NLGN1: variants seen among roughly 807,000 people sequenced by gnomAD.
NLGN1 encodes neuroligin 1, also known as neuroligin-1.
NLGN1 carries 12 observed loss-of-function variants against 65.5 expected under a neutral mutation model. The ratio of observed to expected loss-of-function variants is 0.18; its 90% CI spans 0.12 to 0.30. The LOEUF is 0.30. Ranked by LOEUF, NLGN1 falls within the 10% of genes least tolerant of loss-of-function variation. The pLI is 1.00. For synonymous variants in NLGN1, 350 were observed against 359.5 expected, an observed-to-expected ratio of 0.97 and a Z score of 0.30; for missense variants, 750 against 1,007.1, an observed-to-expected ratio of 0.74 and a Z score of 3.46.
chr3:173,486,895 G>A (rs1227656917), intron 2 of NLGN1, among the ~76,000 whole-genome samples: 1 of 151,014 alleles, frequency 6.6e-6, no homozygotes, highest in Non-Finnish European at 1.5e-5. Context: ...TTCAAGTTTA[G>A]TTCATTCTTT....
At chr3:173,914,207 A>G (rs1740251126) in intron 4 of NLGN1, among the ~76,000 whole-genome samples, 1 of 152,116 alleles carries the variant, frequency 6.6e-6, no homozygotes, top group South Asian at 2.1e-4. Flanking sequence ...TGTTTTAGTG[A>G]CAGAAGTATC....
chr3:173,760,654 G>T (rs1464525895), intron 3 of NLGN1, among the ~76,000 whole-genome samples: 2 of 151,778 alleles, frequency 1.3e-5, no homozygotes, highest in African/African-American at 4.8e-5. Flanking sequence ...GTTTTATTTA[G>T]TACCTCTTTC....
chr3:173,645,888 C>T (rs1217302773), intron 3 of NLGN1, among the ~76,000 whole-genome samples: 1 of 152,168 alleles, frequency 6.6e-6, no homozygotes, highest in African/African-American at 2.4e-5. Flanking sequence ...TCCTCGGCCC[C>T]CACCCAGTGA....
At chr3:173,463,872 T>C (rs1246926841) in intron 2 of NLGN1, among the ~76,000 whole-genome samples, 1 of 152,110 alleles carries the variant, frequency 6.6e-6, no homozygotes, top group Non-Finnish European at 1.5e-5. Flanking sequence ...TATTGTTTTA[T>C]ATAAAACATT....
chr3:173,719,554 G>A (rs1770470639), intron 3 of NLGN1, among the ~76,000 whole-genome samples: 1 of 152,142 alleles, frequency 6.6e-6, no homozygotes, highest in Admixed American at 6.6e-5. Flanking sequence ...GGGAGAAGGC[G>A]TCGTGTTGCA....
intron 3 of NLGN1, among the ~76,000 whole-genome samples, chr3:173,686,869 C>T (rs1764758499): frequency 6.6e-6 from 1 of 151,994 alleles, no homozygotes; most frequent in Non-Finnish European, 1.5e-5. Flanking sequence ...AGGAGAATTG[C>T]TTGAACCCGG....
chr3:174,196,644 T>G (rs921411305), intron 4 of NLGN1, among the ~76,000 whole-genome samples: 1 of 152,206 alleles, frequency 6.6e-6, no homozygotes, highest in Non-Finnish European at 1.5e-5. Context: ...TCAGCGATCT[T>G]AGATCAAAAA....
chr3:173,883,367 TG>T, intron 4 of NLGN1, among the ~76,000 whole-genome samples: 1 of 152,292 alleles, frequency 6.6e-6, no homozygotes, highest in South Asian at 2.1e-4. Context: ...CATTCTTATA[TG>T]GGTGTGGTTT....
At chr3:173,610,671 G>T (rs1752140156) in intron 3 of NLGN1, among the ~76,000 whole-genome samples, 1 of 151,780 alleles carries the variant, frequency 6.6e-6, no homozygotes, top group South Asian at 2.1e-4. Context: ...GATTTTTTTT[G>T]TTGGCCTGGA....
chr3:173,907,790 G>A (rs1738749378), intron 4 of NLGN1, among the ~76,000 whole-genome samples: 1 of 151,850 alleles, frequency 6.6e-6, no homozygotes. Context: ...TCACCATGTT[G>A]GCCAGGCTGG....
chr3:174,014,710 C>T (rs571153141), intron 4 of NLGN1, among the ~76,000 whole-genome samples: 6 of 152,174 alleles, frequency 3.9e-5, no homozygotes, highest in African/African-American at 1.4e-4. Flanking sequence ...GGGTTTTGAA[C>T]CCTAGTTAAG....
chr3:174,060,995 G>A (rs1737283258), intron 4 of NLGN1, among the ~76,000 whole-genome samples: 1 of 152,002 alleles, frequency 6.6e-6, no homozygotes, highest in Admixed American at 6.6e-5. Flanking sequence ...TCAGACCTTG[G>A]GAGATATACT....
intron 4 of NLGN1, among the ~76,000 whole-genome samples, chr3:173,863,658 G>A (rs1035145226): frequency 9.2e-5 from 14 of 152,166 alleles, no homozygotes; most frequent in African/African-American, 2.7e-4. Context: ...CTTCCAATGA[G>A]TTTCTATTTC....
At chr3:173,807,144 T>G (rs1716839485) in intron 3 of NLGN1, among the ~76,000 whole-genome samples, 1 of 152,162 alleles carries the variant, frequency 6.6e-6, no homozygotes, top group Non-Finnish European at 1.5e-5. Context: ...CTGAAACATC[T>G]TGCATAACAC....
At chr3:173,516,119 C>T (rs573323986) in intron 2 of NLGN1, among the ~76,000 whole-genome samples, 2 of 151,874 alleles carry the variant, frequency 1.3e-5, no homozygotes, top group South Asian at 2.1e-4. Flanking sequence ...TAGAATGTAC[C>T]ATCTTGGGTG....
At chr3:173,541,618 A>G (rs1359366460) in intron 2 of NLGN1, among the ~76,000 whole-genome samples, 2 of 152,158 alleles carry the variant, frequency 1.3e-5, no homozygotes, top group Admixed American at 6.6e-5. Flanking sequence ...TTAGTAAGAA[A>G]GGAAACAGAA....
intron 4 of NLGN1, among the ~76,000 whole-genome samples, chr3:174,049,596 A>G (rs552382484): frequency 6.6e-6 from 1 of 152,100 alleles, no homozygotes; most frequent in African/African-American, 2.4e-5. Flanking sequence ...CTAATTCCCT[A>G]TCTCCCTGCC....
At chr3:174,123,333 C>A (rs776109603) in intron 4 of NLGN1, among the ~76,000 whole-genome samples, 4 of 152,092 alleles carry the variant, frequency 2.6e-5, no homozygotes, top group Admixed American at 6.6e-5. Flanking sequence ...GCCCATGCAT[C>A]GTCTGTGGTT....
At chr3:173,666,232 A>G (rs527823340) in intron 3 of NLGN1, among the ~76,000 whole-genome samples, 8 of 152,278 alleles carry the variant, frequency 5.3e-5, no homozygotes, top group Non-Finnish European at 8.8e-5. Flanking sequence ...TAAAATCACT[A>G]TGACACTATC....
Sources: allele counts gnomAD v4.1 joint callset (sites outside exome capture counted in the v4.1 genomes callset), GRCh38; gene constraint gnomAD v4.1.1; transcripts MANE v1.5; gene names NCBI Gene and HGNC (gene_info 2026-07-23, HGNC 2026-07-21).